MTMR10: variants seen among roughly 807,000 people sequenced by gnomAD.
MTMR10 encodes the protein myotubularin related protein 10, also known as myotubularin-related protein 10.
MTMR10 carries 56 observed loss-of-function variants against 88.1 expected under a neutral mutation model. That is an observed-to-expected ratio of 0.64 (90% CI 0.51 to 0.79). MTMR10 has a LOEUF of 0.79. Ranked by LOEUF, MTMR10 falls within the 30% of genes least tolerant of loss-of-function variation. The probability of loss-of-function intolerance (pLI) is 0.00; values close to 1 mark genes in which losing one functional copy is unlikely to be tolerated. For missense variants in MTMR10, 883 were observed against 924.7 expected (o/e 0.95, Z 0.58); for synonymous variants, 380 against 340.9 (o/e 1.11, Z -1.26).
rs556384104 is a variant in MTMR10 at position 30,954,880 on chromosome 15, T to C, written c.949A>G (p.Ile317Val). Residue 317 changes from isoleucine (I) to valine (V), a missense_variant, in exon 10 of 16, where the codon ATA becomes GTA. Coordinates refer to ENST00000435680, the MANE Select transcript of MTMR10 (RefSeq NM_017762.3). ...CTTCTCTGTGGGTGACTTTTAGTTA[T>C]TGCATTACAAATCCTAATAAAGACA... ...RKIDQRICNA[I>V]TKSHPQRSDV... 49 of 1,551,798 alleles carry C rather than the reference T, an allele frequency of 3.2e-5. No homozygotes were observed. In the African/African-American group the frequency reaches 4.4e-4, roughly 14 times the overall value.
At chr15:30,936,296 TAAG>T (rs947314935), downstream of MTMR10, among the ~76,000 whole-genome samples, 2 of 152,058 alleles carry the variant, frequency 1.3e-5, no homozygotes, top group Non-Finnish European at 2.9e-5. Context: ...CATTGAAAGG[TAAG>T]AAGTCAGGCA....
intron 3 of MTMR10, 81 bp downstream of exon 3, chr15:30,976,738 A>AAC: frequency 7.0e-7 from 1 of 1,434,142 alleles, no homozygotes; most frequent in Non-Finnish European, 9.4e-7. Context: ...TAACTTTTCC[A>AAC]TACCTATGTT....
intron 9 of MTMR10, among the ~76,000 whole-genome samples, chr15:30,955,136 AAGG>A (rs1233921488): frequency 1.3e-5 from 2 of 152,126 alleles, no homozygotes; most frequent in African/African-American, 2.4e-5. Flanking sequence ...GAGTGAAATC[AAGG>A]AGAAGACAGG....
intron 6 of MTMR10, among the ~76,000 whole-genome samples, chr15:30,964,952 C>T (rs1458237380): frequency 1.3e-5 from 2 of 152,124 alleles, no homozygotes; most frequent in African/African-American, 2.4e-5. Flanking sequence ...AGAAAGCCCA[C>T]CACTCTGATG....
rs752382458 is a variant in MTMR10, at chr15:30,947,111, C to T, written c.1548+19G>A. On this transcript the variant is annotated intron_variant, in intron 14 of 15. Coordinates refer to ENST00000435680, the MANE Select transcript of MTMR10 (RefSeq NM_017762.3). ...TGTAAAAACAGGGAAAACGTAGCCA[C>T]AGCCACAGGGTTGCTTACCGTGCTT... is the stretch of plus-strand genomic sequence containing the variant. 2.5e-6 allele frequency: 4 copies of T among 1,570,504 alleles called. No individual in the cohort carries two copies. The African/African-American group carries it at 5.5e-5, about 22-fold the overall frequency.
chr15:30,929,646 A>G, the MTMR10 span, among the ~76,000 whole-genome samples: 1 of 116,004 alleles, frequency 8.6e-6, no homozygotes, highest in Non-Finnish European at 1.6e-5. Context: ...AATATACAAT[A>G]TATAATATAA....
At chr15:30,980,864 G>A (rs1012999672) in intron 2 of MTMR10, among the ~76,000 whole-genome samples, 2 of 152,196 alleles carry the variant, frequency 1.3e-5, no homozygotes, top group Admixed American at 1.3e-4. Flanking sequence ...TGCCGGATTA[G>A]AAAGTAAATT....
At chr15:30,920,548 C>A in the MTMR10 span, 1 of 1,600,836 alleles carries the variant, frequency 6.2e-7, no homozygotes, top group South Asian at 1.1e-5. Flanking sequence ...ATTTTAGATG[C>A]CACGAAGATT....
At chr15:30,951,589 T>A (rs2140734) in intron 12 of MTMR10, among the ~76,000 whole-genome samples, 1 of 151,834 alleles carries the variant, frequency 6.6e-6, no homozygotes, top group Non-Finnish European at 1.5e-5. Context: ...AACCTCCGCC[T>A]CCTAGGTTCA....
chr15:30,980,517 T>A (rs1040254382), intron 2 of MTMR10, among the ~76,000 whole-genome samples: 2 of 152,254 alleles, frequency 1.3e-5, no homozygotes, highest in African/African-American at 4.8e-5. Flanking sequence ...GGTTGGTACA[T>A]GTGTGTATGT....
the MTMR10 span, among the ~76,000 whole-genome samples, chr15:30,921,420 A>G: frequency 6.6e-6 from 1 of 152,220 alleles, no homozygotes; most frequent in Non-Finnish European, 1.5e-5. Context: ...AATTTGTCGT[A>G]TCCTAAACTT....
chr15:30,957,092 C>T (rs1356244489), intron 9 of MTMR10, among the ~76,000 whole-genome samples: 1 of 152,120 alleles, frequency 6.6e-6, no homozygotes, highest in Non-Finnish European at 1.5e-5. Context: ...TCTGGCTGTA[C>T]CAAAAAGGAC....
rs1477268113 is a variant in MTMR10 at position 30,944,644 on chromosome 15, C to T, written c.1549-1572G>A. 2.6e-5 allele frequency among the ~76,000 whole-genome samples: 4 copies of T among 151,220 alleles called. No individual in the cohort carries two copies. The East Asian group carries it at 5.8e-4, about 22-fold the overall frequency. The stretch of plus-strand genomic sequence containing the variant: ...TTAAAAACAATCCATTTGCTTCAAA[C>T]ACTGTTAAGAGCTGAAATCTAGTAA... On this transcript the variant is annotated intron_variant, in intron 14 of 15. Coordinates refer to ENST00000435680, the MANE Select transcript of MTMR10 (RefSeq NM_017762.3).
In MTMR10 at chr15:30,979,123, C is replaced by A. The variant is rs568827941; in HGVS notation, c.122-2168G>T. On this transcript the variant is annotated intron_variant, in intron 2 of 15. Transcript: ENST00000435680. ...TCAGATAGAGGACACAGCCCTGTAA[C>A]AATGACTTCTTTACACGGAATCATC... is the stretch of plus-strand genomic sequence containing the variant. 2.2e-4 allele frequency among the ~76,000 whole-genome samples: 33 copies of A among 152,234 alleles called. No individual in the cohort carries two copies. In the East Asian group the frequency reaches 6.0e-3, roughly 28 times the overall value.
At chr15:30,928,149 C>A in the MTMR10 span, 1 of 1,013,086 alleles carries the variant, frequency 9.9e-7, no homozygotes, top group Non-Finnish European at 1.2e-6. Flanking sequence ...GGCCCAGGGA[C>A]CTCCGGCATC....
rs776813287 is a variant in MTMR10, at chr15:30,954,757, A to G, written c.1066+6T>C. ...CATTATATATATGAAATAAGAATGAAATTACCATTAACGCATAGCTGCTTC... is the reference window on the plus strand; with the variant it reads ...CATTATATATATGAAATAAGAATGAGATTACCATTAACGCATAGCTGCTTC... On this transcript the variant is annotated splice_donor_region_variant and intron_variant, in intron 10 of 15. Coordinates refer to ENST00000435680, the MANE Select transcript of MTMR10 (RefSeq NM_017762.3). 12 of 1,587,992 alleles carry G rather than the reference A, an allele frequency of 7.6e-6. No homozygotes were observed. The South Asian group carries it at 1.3e-4, about 17-fold the overall frequency.
chr15:30,929,124 T>G, the MTMR10 span: 1 of 1,267,698 alleles, frequency 7.9e-7, no homozygotes, highest in Non-Finnish European at 1.1e-6. Flanking sequence ...TTTCCAAGTT[T>G]TGTATGTACT....
the MTMR10 span, chr15:30,925,685 C>A: frequency 7.7e-7 from 1 of 1,304,138 alleles, no homozygotes; most frequent in Non-Finnish European, 1.1e-6. Flanking sequence ...TACTAAGTGA[C>A]TGACTTTGTG....
At chr15:30,947,408 T>C in intron 13 of MTMR10, 108 bp from the exon 14 acceptor site, 3 of 1,319,054 alleles carry the variant, frequency 2.3e-6, no homozygotes, top group Non-Finnish European at 3.1e-6. Context: ...TGAGAAAACA[T>C]CGAAGCCTAA....
Sources: allele counts gnomAD v4.1 joint callset (sites outside exome capture counted in the v4.1 genomes callset), GRCh38; gene constraint gnomAD v4.1.1; transcripts MANE v1.5; gene names NCBI Gene and HGNC (gene_info 2026-07-23, HGNC 2026-07-21).